The following NAV2 variants were observed in gnomAD, a reference collection of about 807,000 sequenced individuals.
NAV2 encodes neuron navigator 2.
A neutral mutation model predicts 223.2 loss-of-function variants in NAV2; 54 were observed. That is an observed-to-expected ratio of 0.24 (90% CI 0.19 to 0.30). NAV2 has a LOEUF of 0.30. Ranked by LOEUF, NAV2 falls within the 10% of genes least tolerant of loss-of-function variation. The pLI is 1.00. For synonymous variants in NAV2, 1,279 were observed against 1,239.3 expected (o/e 1.03, Z -0.67); for missense variants, 2,806 against 3,147.5 (o/e 0.89, Z 2.60).
intron 15 of NAV2, among the ~76,000 whole-genome samples, 173 bp from the exon 16 acceptor site, chr11:20,049,663 G>T (rs2057780317): frequency 6.6e-6 from 1 of 152,004 alleles, no homozygotes; most frequent in Non-Finnish European, 1.5e-5. Context: ...GAAATTAAAA[G>T]TGTTCTCAGA....
chr11:20,023,101 A>T (rs2054657658), intron 11 of NAV2: 1 of 1,551,718 alleles, frequency 6.4e-7, no homozygotes, highest in Admixed American at 2.0e-5. Flanking sequence ...GCCGCAATGT[A>T]GTGAAATGCT....
At chr11:20,089,778 A>G (rs928880743) in intron 26 of NAV2, among the ~76,000 whole-genome samples, 3 of 152,178 alleles carry the variant, frequency 2.0e-5, no homozygotes, top group Non-Finnish European at 4.4e-5. Flanking sequence ...GACTTGTATG[A>G]TCTTCTACTT....
At chr11:19,632,672 C>T (rs781218879) in intron 1 of NAV2, among the ~76,000 whole-genome samples, 7 of 152,148 alleles carry the variant, frequency 4.6e-5, no homozygotes, top group Non-Finnish European at 1.0e-4. Context: ...GGCAGTTGTT[C>T]CTATCTCATC....
intron 1 of NAV2, among the ~76,000 whole-genome samples, chr11:19,570,731 G>A (rs1325471681): frequency 1.3e-5 from 2 of 152,206 alleles, no homozygotes; most frequent in African/African-American, 4.8e-5. Flanking sequence ...AAACCGCCAT[G>A]AAATACCACT....
At chr11:19,842,814 A>T in intron 2 of NAV2, 57 bp from the exon 3 acceptor site, 1 of 1,562,248 alleles carries the variant, frequency 6.4e-7, no homozygotes, top group Non-Finnish European at 8.8e-7. Context: ...CCTGAACATC[A>T]CTACTGAAAG....
In NAV2 at chr11:20,097,681, A is replaced by G; in HGVS notation, c.6117A>G (p.Thr2039=). The G allele has an allele frequency of 6.2e-7, 1 of 1,613,226 alleles. No homozygotes were observed. Among genetic ancestry groups the G allele is most frequent in the Non-Finnish European group, 8.5e-7 (1 of 1,179,820 alleles). ...TCAAGCGCAGCAACACTTCCGAAACACCGGAGCTGCTTCCTTGTGGCTATC... is the reference window on the plus strand; with the variant it reads ...TCAAGCGCAGCAACACTTCCGAAACGCCGGAGCTGCTTCCTTGTGGCTATC... ...GEIKRSNTSE[T]PELLPCGYLV... The change falls in exon 31 of 38, where the codon ACA becomes ACG. Residue 2039 remains threonine, a synonymous_variant. Coordinates refer to ENST00000349880, the MANE Select transcript of NAV2 (RefSeq NM_145117.5).
At chr11:19,908,742 T>TA (rs902007880) in intron 6 of NAV2, among the ~76,000 whole-genome samples, 6 of 152,098 alleles carry the variant, frequency 3.9e-5, no homozygotes, top group South Asian at 4.2e-4. Context: ...AGTCTGTCAT[T>TA]AAAAAAATGT....
intron 1 of NAV2, among the ~76,000 whole-genome samples, chr11:19,796,211 G>A (rs1264369401): frequency 6.6e-6 from 1 of 152,158 alleles, no homozygotes; most frequent in Admixed American, 6.5e-5. Context: ...GAAAAGAAAT[G>A]AGAAGTTACA....
At chr11:20,101,940 C>T (rs1173355925) in intron 32 of NAV2, among the ~76,000 whole-genome samples, 1 of 152,186 alleles carries the variant, frequency 6.6e-6, no homozygotes, top group African/African-American at 2.4e-5. Context: ...GGAAATGACT[C>T]CTTCGCCTTA....
intron 1 of NAV2, among the ~76,000 whole-genome samples, chr11:19,646,233 C>T (rs561257409): frequency 1.1e-3 from 163 of 152,364 alleles, no homozygotes; most frequent in African/African-American, 3.8e-3. Context: ...GCACACCCAG[C>T]ATCTCTGATT....
chr11:20,103,596 C>CTTGT (rs1356743820), intron 33 of NAV2, 57 bp from the exon 34 acceptor site: 1 of 1,590,338 alleles, frequency 6.3e-7, no homozygotes, highest in Admixed American at 1.7e-5. Context: ...CTGTGACCAC[C>CTTGT]TTGTTCTCTA....
chr11:19,934,907 C>G (rs1490107601), intron 7 of NAV2, among the ~76,000 whole-genome samples: 4 of 152,122 alleles, frequency 2.6e-5, no homozygotes, highest in Non-Finnish European at 5.9e-5. Flanking sequence ...CTGTCTTTAT[C>G]TGTCCCCTAG....
At chr11:19,366,382 C>A (rs1376366971) in intron 1 of NAV2, among the ~76,000 whole-genome samples, 2 of 152,196 alleles carry the variant, frequency 1.3e-5, no homozygotes, top group African/African-American at 4.8e-5. Flanking sequence ...TGTAGGAGAG[C>A]CAGGGCTGCT....
chr11:19,503,924 G>A (rs1835677430), intron 1 of NAV2: 1 of 152,134 alleles, frequency 6.6e-6, no homozygotes, highest in Admixed American at 6.5e-5. Context: ...CAATCTGATC[G>A]AGGATTGTTA....
At chr11:19,397,396 A>AGTGTGTGTGTGTGT (rs1554919830) in intron 1 of NAV2, among the ~76,000 whole-genome samples, 17 of 143,818 alleles carry the variant, frequency 1.2e-4, no homozygotes, top group Middle Eastern at 3.3e-3. Context: ...TTCTCTGGGG[A>AGTGTGTGTGTGTGT]GTGTGTGTGT....
intron 1 of NAV2, among the ~76,000 whole-genome samples, chr11:19,559,348 C>G (rs1320580827): frequency 6.6e-6 from 1 of 152,214 alleles, no homozygotes; most frequent in Admixed American, 6.5e-5. Context: ...TTGTTGTAAG[C>G]TCTGTGCCCT....
intron 1 of NAV2, among the ~76,000 whole-genome samples, chr11:19,785,481 T>C (rs986653491): frequency 6.6e-6 from 1 of 152,198 alleles, no homozygotes; most frequent in African/African-American, 2.4e-5. Context: ...CTTGTTTTGG[T>C]GAAACTTGAG....
intron 11 of NAV2, among the ~76,000 whole-genome samples, chr11:20,000,714 C>T (rs941228247): frequency 1.3e-5 from 2 of 152,158 alleles, no homozygotes. Flanking sequence ...ACAAGCAGCA[C>T]TTGTCATGCT....
At chr11:19,817,123 C>T (rs761287795) in intron 1 of NAV2, among the ~76,000 whole-genome samples, 3 of 152,204 alleles carry the variant, frequency 2.0e-5, no homozygotes, top group Non-Finnish European at 4.4e-5. Context: ...ACCACGAGTG[C>T]ACACAGTTTG....
Sources: gnomAD v4.1 joint callset for allele counts (sites outside exome capture counted in the v4.1 genomes callset) on GRCh38, gnomAD v4.1.1 for gene constraint, MANE v1.5 for transcripts, NCBI Gene and HGNC (gene_info 2026-07-23, HGNC 2026-07-21) for gene names.